Variants in SV2B observed in about 807,000 individuals in gnomAD.
SV2B encodes the protein solute carrier family 22 member B2.
Under a neutral mutation model 73.9 loss-of-function variants are expected in SV2B, and 41 were observed. That is an observed-to-expected ratio of 0.56 (90% CI 0.43 to 0.72). The LOEUF is 0.72. Ranked by LOEUF, SV2B falls within the 30% of genes least tolerant of loss-of-function variation. The pLI, the probability that SV2B is intolerant of heterozygous loss-of-function variation, is 0.00. For missense variants in SV2B, 764 were observed against 857.8 expected (o/e 0.89, Z 1.37); for synonymous variants, 314 against 314.2 (o/e 1.00, Z 0.01).
At chr15:91,185,774 G>A (rs2044746331) in intron 1 of SV2B, among the ~76,000 whole-genome samples, 1 of 152,202 alleles carries the variant, frequency 6.6e-6, no homozygotes, top group South Asian at 2.1e-4. Flanking sequence ...GGCAGATTGT[G>A]TGATCTCCTT....
rs1030947461 is a variant in SV2B, at chr15:91,253,540, C to T, written c.784+1020C>T. Among the ~76,000 whole-genome samples, 10 of 152,232 alleles carry T rather than the reference C, an allele frequency of 6.6e-5. No homozygotes were observed. Among genetic ancestry groups the T allele is most frequent in the African/African-American group, 1.4e-4 (6 of 41,464 alleles). On this transcript the variant is annotated intron_variant, in intron 4 of 12. Coordinates refer to ENST00000394232, the MANE Select transcript of SV2B (RefSeq NM_001323032.3). This position sits in a 1 kb window ranked among gnomAD's most constrained non-coding sequence, Gnocchi z 5.0. ...GACAAGCTGATAAACCCTGAAATCT[C>T]AGTGTTTTAACACAGTGAAAGCTTC... is the stretch of plus-strand genomic sequence containing the variant.
chr15:91,250,341 A>G (rs2047435193), intron 2 of SV2B, among the ~76,000 whole-genome samples: 1 of 152,066 alleles, frequency 6.6e-6, no homozygotes, highest in Admixed American at 6.6e-5. Context: ...TTCTCAACAA[A>G]TTAGGTATAG....
At chr15:91,200,207 T>A (rs2045411429) in intron 1 of SV2B, among the ~76,000 whole-genome samples, 1 of 152,190 alleles carries the variant, frequency 6.6e-6, no homozygotes, top group South Asian at 2.1e-4. Context: ...TTGAGTTTGG[T>A]CTTTGTGGAC....
rs1046995883 is a variant in SV2B, at chr15:91,124,591, G to A, written c.-392+24228G>A. Among the ~76,000 whole-genome samples the A allele has an allele frequency of 8.5e-5, 13 of 152,238 alleles. No individual in the cohort carries two copies. Among genetic ancestry groups the A allele is most frequent in the African/African-American group, 3.1e-4 (13 of 41,548 alleles). ...CTCAAAAGAAGACTATTCATTTGCTGGGGCTGCTATAACAAAACACCATGG... is the reference window on the plus strand; with the variant it reads ...CTCAAAAGAAGACTATTCATTTGCTAGGGCTGCTATAACAAAACACCATGG... On this transcript the variant is annotated intron_variant, in intron 1 of 12. Transcript: ENST00000394232. This position sits in a 1 kb window ranked among gnomAD's most constrained non-coding sequence, Gnocchi z 4.6.
At chr15:91,192,226 C>T (rs952233621) in intron 1 of SV2B, among the ~76,000 whole-genome samples, 4 of 152,122 alleles carry the variant, frequency 2.6e-5, no homozygotes, top group Non-Finnish European at 5.9e-5. Context: ...ACTGTTTGTC[C>T]TAAAAATTAT....
At position 91,231,731 on chromosome 15, in the gene SV2B, G is replaced by A. The variant is rs900818444; in HGVS notation, c.451+5017G>A. On this transcript the variant is annotated intron_variant, in intron 2 of 12. Coordinates refer to ENST00000394232, the MANE Select transcript of SV2B (RefSeq NM_001323032.3). The surrounding 1 kb of genome is among the most constrained non-coding windows in gnomAD (Gnocchi z 4.5). ...CTTTCAGGCAAGAGTTCCGTGTTTT[G>A]CCTGCAGAGTTTTCATTTCTTGGAA... 6.6e-5 allele frequency among the ~76,000 whole-genome samples: 10 copies of A among 152,218 alleles called. No individual in the cohort carries two copies. The highest frequency in any genetic ancestry group is 6.8e-3 in the Middle Eastern group (2 of 294).
rs1321898316 is a variant in SV2B at position 91,128,209 on chromosome 15, C to G, written c.-392+27846C>G. On this transcript the variant is annotated intron_variant, in intron 1 of 12. Coordinates refer to ENST00000394232, the MANE Select transcript of SV2B (RefSeq NM_001323032.3). This position sits in a 1 kb window ranked among gnomAD's most constrained non-coding sequence, Gnocchi z 4.2. ...GGAGATTTTCAGTCCCTCCTGGGAG[C>G]TGTTTTCACCCTCTTCCACCAGTGA... Among the ~76,000 whole-genome samples, 2 of 152,184 alleles carry G rather than the reference C, an allele frequency of 1.3e-5. No individual in the cohort carries two copies. The highest frequency in any genetic ancestry group is 2.9e-5 in the Non-Finnish European group (2 of 68,038).
rs1203353117 is a variant in SV2B at position 91,124,748 on chromosome 15, G to T, written c.-392+24385G>T. Among the ~76,000 whole-genome samples, 1 of 152,038 alleles carries T rather than the reference G, an allele frequency of 6.6e-6. No homozygotes were observed. Among genetic ancestry groups the T allele is most frequent in the African/African-American group, 2.4e-5 (1 of 41,382 alleles). On this transcript the variant is annotated intron_variant, in intron 1 of 12. Coordinates refer to ENST00000394232, the MANE Select transcript of SV2B (RefSeq NM_001323032.3). This position sits in a 1 kb window ranked among gnomAD's most constrained non-coding sequence, Gnocchi z 4.6. ...GGCTCACTGCAACCTCCACCTCCTG[G>T]GTTCAAGCGATTCTTGAGCCTCAGC...
chr15:91,209,896 A>G (rs761105813), intron 1 of SV2B, among the ~76,000 whole-genome samples: 17 of 152,230 alleles, frequency 1.1e-4, no homozygotes, highest in Admixed American at 5.2e-4. Context: ...TGCACAAAAC[A>G]CTAGGCTTTA....
chr15:91,153,629 G>A lies in SV2B; in HGVS notation c.-392+53266G>A, dbSNP rs559656171. 2.0e-5 allele frequency among the ~76,000 whole-genome samples: 3 copies of A among 152,256 alleles called. No homozygotes were observed. In the East Asian group the frequency reaches 5.8e-4, roughly 29 times the overall value. On this transcript the variant is annotated intron_variant, in intron 1 of 12. Transcript: ENST00000394232. ...AGCTCTGATGCTGAGATAAGCTTGT[G>A]TCATGCACCTGCCAAGGGCCGGTGC...
rs267604388 is a variant in SV2B at position 91,226,469 on chromosome 15, C to T, written c.206C>T (p.Ser69Phe). Residue 69 changes from serine (S) to phenylalanine (F), a missense_variant, in exon 2 of 13, where the codon TCC becomes TTC. Transcript: ENST00000394232. ...GCCAAGCAGGCCAAGATGGCGCCCT[C>T]CAGAATGGACAGCCTTCGGGGCCAG... ...VKAKQAKMAP[S>F]RMDSLRGQTD... The T allele has an allele frequency of 6.2e-7, 1 of 1,614,194 alleles. No homozygotes were observed. Among genetic ancestry groups the T allele is most frequent in the Non-Finnish European group, 8.5e-7 (1 of 1,180,028 alleles).
intron 1 of SV2B, among the ~76,000 whole-genome samples, chr15:91,143,413 C>T (rs953593442): frequency 2.0e-5 from 3 of 152,174 alleles, no homozygotes; most frequent in African/African-American, 4.8e-5. Flanking sequence ...CCGAGAATAC[C>T]TGCTGGTGGC....
chr15:91,257,830 A>T (rs1367697245), intron 4 of SV2B, among the ~76,000 whole-genome samples: 1 of 152,096 alleles, frequency 6.6e-6, no homozygotes, highest in Non-Finnish European at 1.5e-5. Flanking sequence ...GGTGCTCAGG[A>T]CCCAGGAATT....
intron 6 of SV2B, among the ~76,000 whole-genome samples, chr15:91,260,655 C>G (rs2047877230): frequency 6.6e-6 from 1 of 152,086 alleles, no homozygotes; most frequent in Admixed American, 6.5e-5. Flanking sequence ...AATCCCAGCA[C>G]TTTGGAAGGC....
rs1236519676 is a variant in SV2B, at chr15:91,296,105, C to G, written c.*3553C>G. ...CAGGTAAGGGAAATGATGCCCTTGC[C>G]CATTTTCTACAGACCTAATCGATTT... On this transcript the variant is annotated 3_prime_UTR_variant, in exon 13 of 13. Transcript: ENST00000394232. 3 of 151,994 alleles carry G rather than the reference C, an allele frequency of 2.0e-5. No homozygotes were observed. In the East Asian group the frequency reaches 5.8e-4, roughly 29 times the overall value. The allele number at this position is 151,994 out of a possible 1,614,324, so 9.4% of individuals were successfully genotyped here. A position where few individuals can be genotyped will look rare whatever the true frequency, so the allele number is the denominator to read the frequency against.
At chr15:91,218,036 A>G (rs1007888722) in intron 1 of SV2B, among the ~76,000 whole-genome samples, 3 of 152,246 alleles carry the variant, frequency 2.0e-5, no homozygotes, top group South Asian at 4.1e-4. Context: ...TATCGTTGCT[A>G]GGATAGTGGC....
intron 1 of SV2B, among the ~76,000 whole-genome samples, chr15:91,107,187 A>G (rs1342021172): frequency 6.6e-6 from 1 of 152,130 alleles, no homozygotes; most frequent in African/African-American, 2.4e-5. Flanking sequence ...GCTGCCCTTC[A>G]TTTTTACGTG....
intron 1 of SV2B, among the ~76,000 whole-genome samples, chr15:91,213,872 A>T (rs1392573401): frequency 6.6e-6 from 1 of 152,218 alleles, no homozygotes; most frequent in Non-Finnish European, 1.5e-5. Flanking sequence ...GATAATTAAC[A>T]AGTTAGCAAG....
In SV2B at chr15:91,283,998, C is replaced by T. The variant is rs779913512; in HGVS notation, c.1508-23C>T. 2.6e-5 allele frequency: 42 copies of T among 1,613,252 alleles called. No homozygotes were observed. In the East Asian group the frequency reaches 5.6e-4, roughly 21 times the overall value. ...CCAGCTCCCTTCCACTTACATGAAC[C>T]GAAGGTTTCCTTCTCTCCCCAGACC... is the stretch of plus-strand genomic sequence containing the variant. On this transcript the variant is annotated intron_variant, in intron 10 of 12. Transcript: ENST00000394232. The surrounding 1 kb of genome is among the most constrained non-coding windows in gnomAD (Gnocchi z 4.3).
Sources: gnomAD v4.1 joint callset for allele counts (sites outside exome capture counted in the v4.1 genomes callset) on GRCh38, gnomAD v4.1.1 for gene constraint, Gnocchi (gnomAD v3.1) non-coding constraint, MANE v1.5 for transcripts, NCBI Gene and HGNC (gene_info 2026-07-23, HGNC 2026-07-21) for gene names.